SPAG16: variants seen among roughly 807,000 people sequenced by gnomAD.
SPAG16 encodes the protein sperm associated antigen 16.
Under a neutral mutation model 80.4 loss-of-function variants are expected in SPAG16, and 86 were observed. The observed-to-expected ratio is 1.07, with a 90% CI of 0.90 to 1.28. The LOEUF (loss-of-function observed/expected upper bound fraction) is 1.28. SPAG16 is among the 50% of genes most tolerant of loss of function. The pLI is 0.00. For missense variants in SPAG16, 870 were observed against 765.3 expected, an observed-to-expected ratio of 1.14 and a Z score of -1.61; for synonymous variants, 294 against 265.9, an observed-to-expected ratio of 1.11 and a Z score of -1.03.
chr2:213,654,598 T>TCCCAG (rs1368179909), intron 10 of SPAG16, among the ~76,000 whole-genome samples: 3 of 144,704 alleles, frequency 2.1e-5, no homozygotes, highest in Non-Finnish European at 4.5e-5. Flanking sequence ...GCGCCTGTAG[T>TCCCAG]CCCAGCTACT....
intron 12 of SPAG16, among the ~76,000 whole-genome samples, chr2:214,012,994 T>C (rs1317623561): frequency 2.0e-5 from 3 of 152,110 alleles, no homozygotes; most frequent in African/African-American, 7.2e-5. Context: ...TTCAGACACG[T>C]TTCCAAGTGA....
intron 13 of SPAG16, among the ~76,000 whole-genome samples, chr2:214,091,186 CATA>C (rs535708274): frequency 4.6e-5 from 7 of 151,876 alleles, no homozygotes; most frequent in African/African-American, 1.2e-4. Context: ...TTTCCTTGTT[CATA>C]ATAATAATAA....
intron 10 of SPAG16, among the ~76,000 whole-genome samples, chr2:213,610,627 C>T (rs1474188451): frequency 1.3e-5 from 2 of 152,076 alleles, no homozygotes; most frequent in African/African-American, 2.4e-5. Flanking sequence ...GAATTCAGCG[C>T]AAGTCTGCAG....
At chr2:213,375,330 C>G (rs1467427542) in intron 9 of SPAG16, 2 of 380,224 alleles carry the variant, frequency 5.3e-6, no homozygotes, top group Non-Finnish European at 9.6e-6. Context: ...GCAGAGACAG[C>G]TCAGTGGATC....
intron 10 of SPAG16, among the ~76,000 whole-genome samples, chr2:213,594,142 C>T (rs1474301414): frequency 1.3e-5 from 2 of 152,120 alleles, no homozygotes; most frequent in African/African-American, 4.8e-5. Flanking sequence ...CAATGCATCA[C>T]ATTCTTTCCA....
intron 15 of SPAG16, among the ~76,000 whole-genome samples, chr2:214,193,427 G>GTGTGTGTGT (rs1491127730): frequency 0.01 from 756 of 74,506 alleles, no homozygotes; most frequent in Non-Finnish European, 0.014. Context: ...GTGTGTGTAT[G>GTGTGTGTGT]AGAGAGAGAG....
chr2:214,221,490 A>T (rs1274296022), intron 15 of SPAG16, among the ~76,000 whole-genome samples: 1 of 152,196 alleles, frequency 6.6e-6, no homozygotes, highest in African/African-American at 2.4e-5. Flanking sequence ...TCTTAAATAA[A>T]CCTACAAAGC....
intron 6 of SPAG16, among the ~76,000 whole-genome samples, chr2:213,341,743 G>A (rs2064697554): frequency 6.6e-6 from 1 of 151,996 alleles, no homozygotes; most frequent in South Asian, 2.1e-4. Flanking sequence ...GTCTCACTTT[G>A]TTGATCAGGT....
chr2:213,851,699 C>A (rs1040271028), intron 10 of SPAG16, among the ~76,000 whole-genome samples: 1 of 152,268 alleles, frequency 6.6e-6, no homozygotes. Flanking sequence ...TTAGCACTAC[C>A]AGCCAGGTGG....
At chr2:213,727,672 G>C (rs1298183242) in intron 10 of SPAG16, among the ~76,000 whole-genome samples, 2 of 152,074 alleles carry the variant, frequency 1.3e-5, no homozygotes, top group Non-Finnish European at 2.9e-5. Context: ...GTAGCAATGG[G>C]GCTGAAGCTA....
intron 10 of SPAG16, among the ~76,000 whole-genome samples, chr2:213,540,619 G>T (rs892261523): frequency 6.6e-6 from 1 of 152,162 alleles, no homozygotes; most frequent in African/African-American, 2.4e-5. Context: ...AGAATTAGAA[G>T]ACTTTAATAT....
At chr2:213,366,201 A>T (rs1304410503) in intron 8 of SPAG16, among the ~76,000 whole-genome samples, 1 of 151,828 alleles carries the variant, frequency 6.6e-6, no homozygotes, top group Non-Finnish European at 1.5e-5. Flanking sequence ...CCTATTTAAC[A>T]TATATAAAAT....
chr2:213,715,278 A>C (rs2066191645), intron 10 of SPAG16, among the ~76,000 whole-genome samples: 1 of 142,070 alleles, frequency 7.0e-6, no homozygotes, highest in African/African-American at 2.5e-5. Flanking sequence ...CCATTCATCC[A>C]TCTAAGACAG....
At chr2:214,192,839 C>T (rs2057705231) in intron 15 of SPAG16, among the ~76,000 whole-genome samples, 2 of 152,046 alleles carry the variant, frequency 1.3e-5, no homozygotes, top group South Asian at 4.1e-4. Context: ...AGTAATGAGA[C>T]TGCAATAAGC....
At chr2:213,422,903 A>T (rs529774494) in intron 9 of SPAG16, among the ~76,000 whole-genome samples, 2 of 152,364 alleles carry the variant, frequency 1.3e-5, no homozygotes, top group South Asian at 4.1e-4. Context: ...TCCTTAGTCT[A>T]TGATGACAGC....
chr2:214,397,387 G>C (rs991099476), intron 15 of SPAG16, among the ~76,000 whole-genome samples: 1 of 151,936 alleles, frequency 6.6e-6, no homozygotes, highest in Admixed American at 6.6e-5. Flanking sequence ...CTCAATCTCC[G>C]GACCTCGTGA....
chr2:213,290,601 C>G (rs913843071), intron 1 of SPAG16, among the ~76,000 whole-genome samples: 4 of 152,180 alleles, frequency 2.6e-5, no homozygotes, highest in African/African-American at 9.7e-5. Flanking sequence ...GGCTCAAAGG[C>G]AGCTTGACAT....
intron 10 of SPAG16, among the ~76,000 whole-genome samples, chr2:213,531,359 AGTGTGT>A (rs56011234): frequency 3.6e-4 from 51 of 142,014 alleles, no homozygotes; most frequent in African/African-American, 8.2e-4. Flanking sequence ...AAAAGATGTG[AGTGTGT>A]GTGTGTGTGT....
chr2:213,713,532 G>GA (rs1246371198), intron 10 of SPAG16, among the ~76,000 whole-genome samples: 1 of 152,116 alleles, frequency 6.6e-6, no homozygotes, highest in East Asian at 1.9e-4. Context: ...CCCTACAAAA[G>GA]AAAAAACAAA....
Sources: gnomAD v4.1 joint callset for allele counts (sites outside exome capture counted in the v4.1 genomes callset) on GRCh38, gnomAD v4.1.1 for gene constraint, MANE v1.5 for transcripts, NCBI Gene and HGNC (gene_info 2026-07-23, HGNC 2026-07-21) for gene names.